UFL1: variants seen among roughly 807,000 people sequenced by gnomAD.
UFL1 encodes E3 UFM1-protein ligase 1.
A neutral mutation model predicts 99.3 loss-of-function variants in UFL1; 78 were observed. The observed-to-expected ratio is 0.79, with a 90% CI of 0.65 to 0.95. The LOEUF (loss-of-function observed/expected upper bound fraction) is 0.95, where lower values mean the gene tolerates loss of function less well. UFL1 is among the 40% of genes least tolerant of loss of function. UFL1 has a pLI of 0.00. For synonymous variants in UFL1, 335 were observed against 322.2 expected, an observed-to-expected ratio of 1.04 and a Z score of -0.42; for missense variants, 936 against 937.0, an observed-to-expected ratio of 1.00 and a Z score of 0.01.
chr6:96,537,614 C>A, intron 9 of UFL1, 65 bp downstream of exon 9: 1 of 1,418,816 alleles, frequency 7.0e-7, no homozygotes, highest in Non-Finnish European at 9.3e-7. Context: ...TAATATTTGA[C>A]CATTTAGAAA....
chr6:96,535,496 C>A (rs149327086), intron 7 of UFL1, among the ~76,000 whole-genome samples: 240 of 151,828 alleles, frequency 1.6e-3, no homozygotes, highest in African/African-American at 5.4e-3. Context: ...ATTATTGAGT[C>A]TTTATTATAT....
Position 96,532,511 on chromosome 6 carries a change from T to C in UFL1, c.597-1752T>C, listed in dbSNP as rs78280230. ...AAGTGTTTGGGTCACAGGAGTGGCTTTCTCATGAATAGATTAATGCCCTCC... is the reference window on the plus strand; with the variant it reads ...AAGTGTTTGGGTCACAGGAGTGGCTCTCTCATGAATAGATTAATGCCCTCC... On this transcript the variant is annotated intron_variant, in intron 6 of 18. Coordinates refer to ENST00000369278, the MANE Select transcript of UFL1 (RefSeq NM_015323.5). Among the ~76,000 whole-genome samples the C allele has an allele frequency of 7.2e-3, 1,095 of 152,320 alleles. 11 individuals carry two copies. The highest frequency in any genetic ancestry group is 0.022 in the African/African-American group (925 of 41,568).
At chr6:96,548,508 G>C (rs968327255) in intron 13 of UFL1, among the ~76,000 whole-genome samples, 2 of 151,562 alleles carry the variant, frequency 1.3e-5, no homozygotes, top group Non-Finnish European at 3.0e-5. Flanking sequence ...TAAAAGGCAG[G>C]AGCGAGAAAG....
In UFL1 at chr6:96,524,419, T is replaced by A. The variant is rs367740716; in HGVS notation, c.252+9T>A. On this transcript the variant is annotated intron_variant, in intron 3 of 18. Coordinates refer to ENST00000369278, the MANE Select transcript of UFL1 (RefSeq NM_015323.5). ...TTGTTGATCTACAACAGGTAGGTTT[T>A]AAATTTATAAAATTTTTGCTTTACT... is the stretch of plus-strand genomic sequence containing the variant. The A allele has an allele frequency of 4.9e-5, 77 of 1,571,496 alleles. No homozygotes were observed. The highest frequency in any genetic ancestry group is 6.4e-5 in the Non-Finnish European group (75 of 1,164,858).
At chr6:96,542,006 G>A (rs781077799) in intron 11 of UFL1, among the ~76,000 whole-genome samples, 18 of 151,134 alleles carry the variant, frequency 1.2e-4, no homozygotes, top group Admixed American at 6.0e-4. Flanking sequence ...TTAGAATTTA[G>A]AAAAAGATCT....
intron 7 of UFL1, 130 bp from the exon 8 acceptor site, chr6:96,536,114 T>C: frequency 1.2e-6 from 1 of 853,590 alleles, no homozygotes; most frequent in South Asian, 3.1e-5. Flanking sequence ...TACCTTTATT[T>C]ATGCTATTTC....
chr6:96,551,115 A>G (rs552163467), intron 15 of UFL1, among the ~76,000 whole-genome samples: 2 of 152,038 alleles, frequency 1.3e-5, no homozygotes, highest in South Asian at 2.1e-4. Flanking sequence ...GGCACTGGGT[A>G]GAGAAAAACA....
rs950634022 is a variant in UFL1, at chr6:96,538,829, T to C, written c.1158+19T>C. Reference sequence around the variant, plus strand: ...TGAAAAGGTATTCCAGATTTCCTTTTATCTGCTAATCTTAATAATATTTTC... The same window carrying C: ...TGAAAAGGTATTCCAGATTTCCTTTCATCTGCTAATCTTAATAATATTTTC... On this transcript the variant is annotated intron_variant, in intron 10 of 18. Transcript: ENST00000369278. 8 of 1,573,736 alleles carry C rather than the reference T, an allele frequency of 5.1e-6. No homozygotes were observed. In the Admixed American group the frequency reaches 5.3e-5, roughly 10 times the overall value.
intron 15 of UFL1, 45 bp from the exon 16 acceptor site, chr6:96,551,388 A>C: frequency 9.7e-7 from 1 of 1,035,118 alleles, no homozygotes; most frequent in Non-Finnish European, 1.4e-6. Flanking sequence ...TATCCATTGC[A>C]TGTCAAAAGC....
At chr6:96,529,073 T>A (rs528708494) in intron 6 of UFL1, among the ~76,000 whole-genome samples, 5 of 152,344 alleles carry the variant, frequency 3.3e-5, no homozygotes, top group Admixed American at 3.3e-4. Context: ...TAGAGAATTT[T>A]ATGACATTTT....
chr6:96,545,995 A>G (rs1327614120), intron 12 of UFL1, among the ~76,000 whole-genome samples: 1 of 151,262 alleles, frequency 6.6e-6, no homozygotes, highest in African/African-American at 2.4e-5. Context: ...CTCCTATTCA[A>G]CGTAGTACTA....
intron 6 of UFL1, 74 bp downstream of exon 6, chr6:96,528,706 ATCTTTT>A: frequency 6.8e-7 from 1 of 1,467,558 alleles, no homozygotes; most frequent in Non-Finnish European, 9.1e-7. Context: ...TAGCAGCGGA[ATCTTTT>A]TCTTTGTTTT....
Position 96,538,523 on chromosome 6 carries a change from C to T in UFL1, c.979-108C>T, listed in dbSNP as rs754673766. On this transcript the variant is annotated intron_variant, in intron 9 of 18. Transcript: ENST00000369278. ...TCGGCATAAATATGGTTCCAAAAGC[C>T]ACTGGACTTAATGAGATCATCTAGA... is the stretch of plus-strand genomic sequence containing the variant. 4 of 1,008,882 alleles carry T rather than the reference C, an allele frequency of 4.0e-6. No individual in the cohort carries two copies. The East Asian group carries it at 1.1e-4, about 27-fold the overall frequency. 62.5% of individuals were successfully genotyped at this position (1,008,882 alleles called of 1,614,324 possible). A position where few individuals can be genotyped will look rare whatever the true frequency, so the allele number is the denominator to read the frequency against.
rs773603464 is a variant in UFL1, at chr6:96,525,337, G to A, written c.293G>A (p.Gly98Asp). 6.2e-7 allele frequency: 1 copy of A among 1,609,758 alleles called. No homozygotes were observed. Among genetic ancestry groups the A allele is most frequent in the South Asian group, 1.1e-5 (1 of 90,124 alleles). The change falls in exon 4 of 19, where the codon GGT becomes GAT. Residue 98 changes from glycine to aspartate, a missense_variant. Coordinates refer to ENST00000369278, the MANE Select transcript of UFL1 (RefSeq NM_015323.5). The part of the protein sequence containing the change: ...VDLIHIENRI[G>D]DIIKSEKHVQ... Reference sequence around the variant, plus strand: ...CTGATTCATATTGAAAATAGAATTGGTGACATTATTAAATCAGAAAAGCAT... The same window carrying A: ...CTGATTCATATTGAAAATAGAATTGATGACATTATTAAATCAGAAAAGCAT...
chr6:96,522,292 T>G lies in UFL1; in HGVS notation c.77+342T>G, dbSNP rs548723405. 2.6e-5 allele frequency among the ~76,000 whole-genome samples: 4 copies of G among 152,236 alleles called. No individual in the cohort carries two copies. In the East Asian group the frequency reaches 7.7e-4, roughly 29 times the overall value. On this transcript the variant is annotated intron_variant, in intron 1 of 18. Transcript: ENST00000369278. ...CAACCACCAAATCACTGTGACATCT[T>G]GGCTATTATACACTTCCTGATCTAG...
chr6:96,549,961 A>T (rs1403293449), intron 15 of UFL1, among the ~76,000 whole-genome samples, 162 bp downstream of exon 15: 1 of 151,878 alleles, frequency 6.6e-6, no homozygotes, highest in African/African-American at 2.4e-5. Flanking sequence ...CTATATATAC[A>T]GTTGCTAGCA....
chr6:96,550,502 C>T (rs1770062697), intron 15 of UFL1, among the ~76,000 whole-genome samples: 1 of 151,960 alleles, frequency 6.6e-6, no homozygotes, highest in Non-Finnish European at 1.5e-5. Flanking sequence ...CCAAATCAGT[C>T]TGATGTTTGT....
chr6:96,523,055 T>C, intron 1 of UFL1, 91 bp from the exon 2 acceptor site: 1 of 1,342,766 alleles, frequency 7.4e-7, no homozygotes, highest in Non-Finnish European at 9.9e-7. Flanking sequence ...AAACAAACTT[T>C]TTAAAAGCCT....
At chr6:96,526,608 T>C (rs915862999) in intron 5 of UFL1, among the ~76,000 whole-genome samples, 173 bp downstream of exon 5, 3 of 152,206 alleles carry the variant, frequency 2.0e-5, no homozygotes, top group Admixed American at 1.3e-4. Flanking sequence ...TCTAGTACAT[T>C]AATGGTTCTG....
Sources: allele counts gnomAD v4.1 joint callset (sites outside exome capture counted in the v4.1 genomes callset), GRCh38; gene constraint gnomAD v4.1.1; transcripts MANE v1.5; gene names NCBI Gene and HGNC (gene_info 2026-07-23, HGNC 2026-07-21).